The following PDXDC1 variants were observed in gnomAD, a reference collection of about 807,000 sequenced individuals.
The protein encoded by PDXDC1 is pyridoxal dependent decarboxylase domain containing 1.
A neutral mutation model predicts 100.1 loss-of-function variants in PDXDC1; 42 were observed. The ratio of observed to expected loss-of-function variants is 0.42; its 90% CI spans 0.33 to 0.54. The LOEUF (loss-of-function observed/expected upper bound fraction) is 0.54, where lower values mean the gene tolerates loss of function less well. Among genes scored for constraint, PDXDC1 ranks in the 20% least tolerant of loss-of-function variants. PDXDC1 has a pLI of 0.10. For missense variants in PDXDC1, 636 were observed against 979.2 expected (o/e 0.65, Z 4.68); for synonymous variants, 260 against 371.7 (o/e 0.70, Z 3.46).
chr16:15,127,193 C>G (rs909090222), intron 16 of PDXDC1: 6 of 406,436 alleles, frequency 1.5e-5, no homozygotes, highest in Non-Finnish European at 2.8e-5. Flanking sequence ...CAGCCGCGTG[C>G]TTGCTTCTTC....
chr16:15,003,878 G>C (rs549414802), intron 4 of PDXDC1, among the ~76,000 whole-genome samples: 73 of 152,330 alleles, frequency 4.8e-4, no homozygotes, highest in South Asian at 1.7e-3. Flanking sequence ...CAGCTACTCG[G>C]GAGGCTGAGA....
At chr16:15,144,951 C>T in the PDXDC1 span, among the ~76,000 whole-genome samples, 1 of 152,292 alleles carries the variant, frequency 6.6e-6, no homozygotes, top group Non-Finnish European at 1.5e-5. Flanking sequence ...CTCCTGGTGC[C>T]CCTGCACACA....
intron 1 of PDXDC1, among the ~76,000 whole-genome samples, chr16:14,978,830 C>CAA (rs1967294890): frequency 6.6e-6 from 1 of 152,286 alleles, no homozygotes. Context: ...TGTCCTTGAG[C>CAA]AAACTTAAAG....
At chr16:15,042,892 C>T (rs1452676203), downstream of PDXDC1, among the ~76,000 whole-genome samples, 2 of 149,370 alleles carry the variant, frequency 1.3e-5, no homozygotes, top group African/African-American at 4.9e-5. Flanking sequence ...GCCACCATGC[C>T]CAGCTAATTT....
intron 16 of PDXDC1, chr16:15,135,188 G>T: frequency 1.2e-6 from 1 of 813,084 alleles, no homozygotes; most frequent in Non-Finnish European, 2.0e-6. Context: ...AAGAGCGCGC[G>T]GCCTCCACCA....
intron 16 of PDXDC1, among the ~76,000 whole-genome samples, chr16:15,122,276 T>G (rs1191768803): frequency 6.7e-6 from 1 of 149,558 alleles, no homozygotes; most frequent in Admixed American, 6.7e-5. Flanking sequence ...AGCGGGGCCA[T>G]CTCGGCTCAC....
At chr16:15,090,922 TGCATGCA>T (rs1306520755) in intron 16 of PDXDC1, among the ~76,000 whole-genome samples, 2 of 151,386 alleles carry the variant, frequency 1.3e-5, no homozygotes, top group African/African-American at 4.9e-5. Context: ...ACAAGAGAGT[TGCATGCA>T]GCATGGAGGA....
rs2045376297 is a variant in PDXDC1, at chr16:15,074,706, T to C, written c.1399+44650T>C. The stretch of plus-strand genomic sequence containing the variant: ...TACACTGCAGGTGTTCAATAAACAG[T>C]AGCTACTGTGATTTACCATCTACAT... On this transcript the variant is annotated intron_variant, in intron 16 of 16. Transcript: ENST00000535621. 3 of 1,603,734 alleles carry C rather than the reference T, an allele frequency of 1.9e-6. No individual in the cohort carries two copies. The African/African-American group carries it at 4.0e-5, about 21-fold the overall frequency.
chr16:15,035,200 T>G (rs2043335086), intron 21 of PDXDC1, among the ~76,000 whole-genome samples: 1 of 152,218 alleles, frequency 6.6e-6, no homozygotes, highest in Non-Finnish European at 1.5e-5. Context: ...CTACAGTACG[T>G]TTCCCTGTTG....
At chr16:15,064,889 G>A (rs184113481) in intron 16 of PDXDC1, among the ~76,000 whole-genome samples, 7 of 152,290 alleles carry the variant, frequency 4.6e-5, no homozygotes, top group Admixed American at 1.3e-4. Flanking sequence ...CCTCCTGGCC[G>A]GGCGCGGTGG....
rs1398021913 is a variant in PDXDC1, at chr16:15,008,789, C to G, written c.590C>G (p.Pro197Arg). 1.2e-6 allele frequency: 2 copies of G among 1,613,886 alleles called. No homozygotes were observed. Among genetic ancestry groups the G allele is most frequent in the South Asian group, 1.1e-5 (1 of 91,046 alleles). ...TGTTTCTTCCTGCAGCTCGGCTTGC[C>G]CTTCCCCTGCTTGTGCCGTGTACCC... is the stretch of plus-strand genomic sequence containing the variant. ...GQYLCNQLGL[P>R]FPCLCRVPCN... Residue 197 changes from proline (P) to arginine (R), a missense_variant, in exon 7 of 23, where the codon CCC becomes CGC. By Grantham distance (103) the Pro-to-Arg change is moderately radical. Around this residue, in one of 4 missense-constraint regions of PDXDC1, gnomAD observed 125 missense variants for 479.9 expected, o/e 0.26. Coordinates refer to ENST00000396410, the MANE Select transcript of PDXDC1 (RefSeq NM_015027.4).
At chr16:15,076,626 C>T (rs1429161171) in intron 16 of PDXDC1, 6 of 1,611,814 alleles carry the variant, frequency 3.7e-6, no homozygotes, top group Admixed American at 3.3e-5. Context: ...TCAGCATCTT[C>T]AATACCCTGC....
chr16:14,985,924 C>A (rs960381115), intron 1 of PDXDC1, among the ~76,000 whole-genome samples: 9 of 152,142 alleles, frequency 5.9e-5, no homozygotes, highest in African/African-American at 1.2e-4. Context: ...CATAGTAGGA[C>A]CATGTCTCTC....
chr16:15,131,003 G>T, intron 16 of PDXDC1: 1 of 897,226 alleles, frequency 1.1e-6, no homozygotes, highest in Middle Eastern at 3.2e-4. Flanking sequence ...TTTCACCAGA[G>T]ACACCCATGG....
At chr16:15,035,786 C>G (rs191028031) in intron 22 of PDXDC1, among the ~76,000 whole-genome samples, 25 of 152,278 alleles carry the variant, frequency 1.6e-4, no homozygotes, top group African/African-American at 6.0e-4. Context: ...GGTGTTTACC[C>G]TCCTGGGCGT....
chr16:15,124,802 G>A (rs1036831982), intron 16 of PDXDC1, among the ~76,000 whole-genome samples: 3 of 151,386 alleles, frequency 2.0e-5, no homozygotes, highest in Admixed American at 2.0e-4. Context: ...ACAAAAAACA[G>A]GGTTAACAAA....
At chr16:14,978,616 A>G (rs1210550314) in intron 1 of PDXDC1, among the ~76,000 whole-genome samples, 2 of 152,264 alleles carry the variant, frequency 1.3e-5, no homozygotes, top group Non-Finnish European at 2.9e-5. Flanking sequence ...GCTGGTCCCA[A>G]CCTCCTGGGC....
chr16:14,999,384 CCAA>C (rs1328655052), intron 3 of PDXDC1, among the ~76,000 whole-genome samples: 1 of 151,770 alleles, frequency 6.6e-6, no homozygotes, highest in Non-Finnish European at 1.5e-5. Flanking sequence ...TTTTAGAAAA[CCAA>C]CAATTTAATA....
intron 4 of PDXDC1, among the ~76,000 whole-genome samples, chr16:15,003,058 A>T (rs1597417409): frequency 6.6e-6 from 1 of 152,132 alleles, no homozygotes; most frequent in Non-Finnish European, 1.5e-5. Flanking sequence ...CTTCTTTTTT[A>T]CAGTTATTCT....
Sources: gnomAD v4.1 joint callset for allele counts (sites outside exome capture counted in the v4.1 genomes callset) on GRCh38, gnomAD v4.1.1 for gene constraint, gnomAD v4.1.1 regional missense constraint, MANE v1.5 for transcripts, NCBI Gene and HGNC (gene_info 2026-07-23, HGNC 2026-07-21) for gene names.